The following CELF2 variants were observed in gnomAD, a reference collection of about 807,000 sequenced individuals.
The protein encoded by CELF2 is CUG triplet repeat RNA-binding protein 2.
A neutral mutation model predicts 62.6 loss-of-function variants in CELF2; 8 were observed. That is an observed-to-expected ratio of 0.13 (90% CI 0.07 to 0.23). CELF2 has a LOEUF of 0.23. Among genes scored for constraint, CELF2 ranks in the 10% least tolerant of loss-of-function variants. The pLI, the probability that CELF2 is intolerant of heterozygous loss-of-function variation, is 1.00. For missense variants in CELF2, 333 were observed against 671.0 expected, an observed-to-expected ratio of 0.50 and a Z score of 5.56; for synonymous variants, 258 against 250.0, an observed-to-expected ratio of 1.03 and a Z score of -0.30.
intron 1 of CELF2, among the ~76,000 whole-genome samples, chr10:11,006,637 T>A (rs1466043763): frequency 6.6e-6 from 1 of 152,208 alleles, no homozygotes; most frequent in African/African-American, 2.4e-5. Context: ...TAAATTACAG[T>A]TTTTAGTCTC....
chr10:11,195,991 C>T (rs182854746), intron 2 of CELF2, among the ~76,000 whole-genome samples: 35 of 151,982 alleles, frequency 2.3e-4, no homozygotes, highest in African/African-American at 8.2e-4. Context: ...ATTTAAACCT[C>T]CTTTGTCCAC....
intron 1 of CELF2, among the ~76,000 whole-genome samples, chr10:10,867,650 C>G (rs966164198): frequency 6.6e-6 from 1 of 152,182 alleles, no homozygotes; most frequent in Non-Finnish European, 1.5e-5. Flanking sequence ...GCCTTCAACT[C>G]CTGCCTACCA....
At chr10:10,695,086 A>G in the CELF2 span, among the ~76,000 whole-genome samples, 2 of 143,992 alleles carry the variant, frequency 1.4e-5, no homozygotes, top group African/African-American at 5.2e-5. Flanking sequence ...TAGTTGATGC[A>G]GTTTCTTCCT....
chr10:10,533,982 G>A, the CELF2 span, among the ~76,000 whole-genome samples: 2 of 151,934 alleles, frequency 1.3e-5, no homozygotes, highest in South Asian at 2.1e-4. Context: ...AGATCAATCA[G>A]CAATAAAAGA....
chr10:10,975,897 A>G (rs1040189515), intron 2 of CELF2, among the ~76,000 whole-genome samples: 1 of 152,228 alleles, frequency 6.6e-6, no homozygotes, highest in Non-Finnish European at 1.5e-5. Flanking sequence ...CTACTTGGCA[A>G]TGGTATTTAT....
In CELF2 at chr10:11,328,723, A is replaced by G. The variant is rs937635605; in HGVS notation, c.1439-203A>G. Among the ~76,000 whole-genome samples, 3 of 152,196 alleles carry G rather than the reference A, an allele frequency of 2.0e-5. No homozygotes were observed. Among genetic ancestry groups the G allele is most frequent in the Non-Finnish European group, 4.4e-5 (3 of 68,022 alleles). The stretch of plus-strand genomic sequence containing the variant: ...CTCCATGATGCCACATTTCCAGTCC[A>G]GCCAGCTGCTCCACAGCTGCTCAGT... On this transcript the variant is annotated intron_variant, in intron 12 of 12. Coordinates refer to ENST00000633077, the MANE Select transcript of CELF2 (RefSeq NM_001326342.2). The surrounding 1 kb of genome is among the most constrained non-coding windows in gnomAD (Gnocchi z 6.4).
chr10:10,809,141 C>A (rs1303597253), intron 1 of CELF2, among the ~76,000 whole-genome samples: 1 of 152,048 alleles, frequency 6.6e-6, no homozygotes, highest in Non-Finnish European at 1.5e-5. Context: ...AGAAGAGATG[C>A]CATAGCTCAC....
chr10:11,027,509 TAC>T (rs2059417114), intron 1 of CELF2, among the ~76,000 whole-genome samples: 1 of 152,124 alleles, frequency 6.6e-6, no homozygotes, highest in South Asian at 2.1e-4. Flanking sequence ...GAGTACTTGC[TAC>T]AGAATTTACC....
the CELF2 span, among the ~76,000 whole-genome samples, chr10:10,623,386 T>A: frequency 6.6e-6 from 1 of 152,218 alleles, no homozygotes. Flanking sequence ...TTACTCCGAA[T>A]TACCTCTCTT....
At chr10:10,606,725 G>A in the CELF2 span, among the ~76,000 whole-genome samples, 1 of 152,216 alleles carries the variant, frequency 6.6e-6, no homozygotes, top group African/African-American at 2.4e-5. Flanking sequence ...AGTCACTAGA[G>A]TAAAATTAGA....
At chr10:10,544,358 AC>A in the CELF2 span, among the ~76,000 whole-genome samples, 1 of 152,210 alleles carries the variant, frequency 6.6e-6, no homozygotes, top group African/African-American at 2.4e-5. Context: ...GTCATGCACC[AC>A]CCGGCAAGGG....
intron 9 of CELF2, among the ~76,000 whole-genome samples, chr10:11,310,813 A>G (rs763752769): frequency 5.9e-5 from 9 of 151,706 alleles, no homozygotes; most frequent in Non-Finnish European, 1.0e-4. Context: ...AGACCCTCCC[A>G]CCGGGAAAAA....
At chr10:11,248,403 A>G (rs2076235294) in intron 3 of CELF2, among the ~76,000 whole-genome samples, 2 of 151,928 alleles carry the variant, frequency 1.3e-5, no homozygotes, top group African/African-American at 4.8e-5. Context: ...ACATGATCAG[A>G]AGGTGTCTCC....
chr10:11,066,795 G>C (rs1043048450), intron 1 of CELF2, among the ~76,000 whole-genome samples: 1 of 152,090 alleles, frequency 6.6e-6, no homozygotes, highest in Non-Finnish European at 1.5e-5. Context: ...TTACAGCATG[G>C]TTTCCTAGGT....
At chr10:10,837,808 T>A (rs2058405216) in intron 1 of CELF2, among the ~76,000 whole-genome samples, 1 of 152,186 alleles carries the variant, frequency 6.6e-6, no homozygotes, top group Non-Finnish European at 1.5e-5. Flanking sequence ...TTTGTTTTGC[T>A]TTTAGTAGAC....
At chr10:10,564,401 C>G in the CELF2 span, among the ~76,000 whole-genome samples, 2 of 151,988 alleles carry the variant, frequency 1.3e-5, no homozygotes, top group Non-Finnish European at 2.9e-5. Context: ...TTTTAAAAAG[C>G]GAACATTTTG....
the CELF2 span, among the ~76,000 whole-genome samples, chr10:10,587,442 A>G: frequency 2.0e-5 from 3 of 152,208 alleles, no homozygotes; most frequent in Non-Finnish European, 2.9e-5. Context: ...TCAGGGGAAC[A>G]GAAGAGGCAA....
At chr10:10,853,300 T>G (rs2059501556) in intron 1 of CELF2, among the ~76,000 whole-genome samples, 1 of 152,100 alleles carries the variant, frequency 6.6e-6, no homozygotes, top group East Asian at 1.9e-4. Context: ...TTATTTTAAC[T>G]TTGTCATGTC....
At chr10:11,136,289 G>A (rs571146762) in intron 1 of CELF2, among the ~76,000 whole-genome samples, 3 of 152,174 alleles carry the variant, frequency 2.0e-5, no homozygotes, top group Admixed American at 2.0e-4. Flanking sequence ...TTATATTCTG[G>A]CTGGGAAAAC....
Sources: gnomAD v4.1 joint callset for allele counts (sites outside exome capture counted in the v4.1 genomes callset) on GRCh38, gnomAD v4.1.1 for gene constraint, Gnocchi (gnomAD v3.1) non-coding constraint, MANE v1.5 for transcripts, NCBI Gene and HGNC (gene_info 2026-07-23, HGNC 2026-07-21) for gene names.